ESRP1: variants seen among roughly 807,000 people sequenced by gnomAD.
ESRP1 encodes the protein epithelial splicing regulatory protein 1.
Under a neutral mutation model 81.7 loss-of-function variants are expected in ESRP1, and 33 were observed. The ratio of observed to expected loss-of-function variants is 0.40; its 90% CI spans 0.31 to 0.54. The LOEUF is 0.54. Ranked by LOEUF, ESRP1 falls within the 20% of genes least tolerant of loss-of-function variation. The pLI is 0.41. For missense variants in ESRP1, 672 were observed against 833.1 expected, an observed-to-expected ratio of 0.81 and a Z score of 2.38; for synonymous variants, 320 against 303.3, an observed-to-expected ratio of 1.06 and a Z score of -0.57.
rs560078108 is a variant in ESRP1, at chr8:94,672,647, C to T, written c.1452+976C>T. Among the ~76,000 whole-genome samples, 31 of 152,244 alleles carry T rather than the reference C, an allele frequency of 2.0e-4. No individual in the cohort carries two copies. In the South Asian group the frequency reaches 6.0e-3, roughly 30 times the overall value. On this transcript the variant is annotated intron_variant, in intron 11 of 15. Coordinates refer to ENST00000433389, the MANE Select transcript of ESRP1 (RefSeq NM_017697.4). ...TCCTGAGTTCAAGCAATTCTCCTGC[C>T]TCAGCTTCCCGAGTAGCTGGGATTA...
At chr8:94,662,772 T>C (rs907310068) in intron 6 of ESRP1, among the ~76,000 whole-genome samples, 1 of 152,156 alleles carries the variant, frequency 6.6e-6, no homozygotes. Context: ...CATACCTGGC[T>C]AATTTTTTTG....
intron 11 of ESRP1, among the ~76,000 whole-genome samples, 182 bp from the exon 12 acceptor site, chr8:94,674,126 C>T (rs1819473702): frequency 6.6e-6 from 1 of 152,132 alleles, no homozygotes; most frequent in South Asian, 2.1e-4. Context: ...GTTTTGTTGG[C>T]CATTCTGGTG....
At chr8:94,649,832 C>A (rs1818028761) in intron 4 of ESRP1, among the ~76,000 whole-genome samples, 1 of 152,094 alleles carries the variant, frequency 6.6e-6, no homozygotes, top group African/African-American at 2.4e-5. Flanking sequence ...TTTTTTAGAC[C>A]AGTTTTAGGT....
At chr8:94,673,706 C>T (rs1385441822) in intron 11 of ESRP1, among the ~76,000 whole-genome samples, 1 of 152,110 alleles carries the variant, frequency 6.6e-6, no homozygotes, top group African/African-American at 2.4e-5. Context: ...AGAAGGGCTC[C>T]CAAGCAAGGC....
At chr8:94,656,440 C>T (rs189772216) in intron 4 of ESRP1, among the ~76,000 whole-genome samples, 3,074 of 152,100 alleles carry the variant, frequency 0.02, 102 homozygotes, top group African/African-American at 0.07. Flanking sequence ...CCAGGATGGT[C>T]TCGATCTCCT....
At chr8:94,642,502 G>A (rs1817663062) in intron 2 of ESRP1, among the ~76,000 whole-genome samples, 1 of 152,220 alleles carries the variant, frequency 6.6e-6, no homozygotes, top group Non-Finnish European at 1.5e-5. Flanking sequence ...AGGTGGGCCC[G>A]GCGGGTGTGC....
chr8:94,674,741 G>A (rs1191621084), intron 12 of ESRP1, among the ~76,000 whole-genome samples: 2 of 152,170 alleles, frequency 1.3e-5, no homozygotes, highest in African/African-American at 4.8e-5. Context: ...CTTTTCCAGT[G>A]ATAAGCACTT....
intron 11 of ESRP1, among the ~76,000 whole-genome samples, chr8:94,674,098 C>G (rs1264074081): frequency 6.6e-6 from 1 of 152,180 alleles, no homozygotes; most frequent in Non-Finnish European, 1.5e-5. Context: ...TATGAGCTCT[C>G]AAAACTGTTT....
intron 14 of ESRP1, among the ~76,000 whole-genome samples, chr8:94,695,789 A>G (rs147153506): frequency 0.03 from 4,589 of 152,136 alleles, 219 homozygotes; most frequent in African/African-American, 0.1. Context: ...TAGGCCAGGC[A>G]CAGTGGTTCA....
intron 14 of ESRP1, among the ~76,000 whole-genome samples, chr8:94,693,035 T>C (rs2130717476): frequency 6.6e-6 from 1 of 152,274 alleles, no homozygotes; most frequent in African/African-American, 2.4e-5. Context: ...GCTTTTTCCA[T>C]GCTGTCTTAA....
chr8:94,673,013 C>T (rs984879488), intron 11 of ESRP1, among the ~76,000 whole-genome samples: 5 of 152,166 alleles, frequency 3.3e-5, no homozygotes, highest in Non-Finnish European at 5.9e-5. Context: ...CACTGGAAAG[C>T]CTGTACCATT....
chr8:94,684,308 G>A (rs1809050779), intron 13 of ESRP1, among the ~76,000 whole-genome samples: 1 of 152,152 alleles, frequency 6.6e-6, no homozygotes, highest in African/African-American at 2.4e-5. Flanking sequence ...TAGAAGTGCA[G>A]GCCTGGAGAA....
rs919262519 is a variant in ESRP1 at position 94,707,438 on chromosome 8, G to C, written c.*1549G>C. Reference sequence around the variant, plus strand: ...CTGAGTTTTTGTAGAGTTAACATTTGATAATAAAACTTGCCTGTTTAATCT... The same window carrying C: ...CTGAGTTTTTGTAGAGTTAACATTTCATAATAAAACTTGCCTGTTTAATCT... On this transcript the variant is annotated 3_prime_UTR_variant, in exon 16 of 16. Transcript: ENST00000433389. 6.6e-5 allele frequency: 10 copies of C among 151,314 alleles called. No individual in the cohort carries two copies. The highest frequency in any genetic ancestry group is 4.6e-4 in the Admixed American group (7 of 15,132). 9.4% of individuals were successfully genotyped at this position (151,314 alleles called of 1,614,324 possible).
intron 13 of ESRP1, among the ~76,000 whole-genome samples, chr8:94,686,285 G>A (rs1363616679): frequency 6.6e-6 from 1 of 152,182 alleles, no homozygotes; most frequent in African/African-American, 2.4e-5. Context: ...GAAGTCTTCA[G>A]CAACTTTATA....
chr8:94,655,724 C>G (rs1315836384), intron 4 of ESRP1, among the ~76,000 whole-genome samples: 2 of 151,710 alleles, frequency 1.3e-5, no homozygotes, highest in South Asian at 4.2e-4. Context: ...AACCCTGTCT[C>G]TACAAAAAAT....
At position 94,665,208 on chromosome 8, in the gene ESRP1, T is replaced by C; in HGVS notation, c.931+12T>C. 1 of 1,610,846 alleles carries C rather than the reference T, an allele frequency of 6.2e-7. No individual in the cohort carries two copies. On this transcript the variant is annotated intron_variant, in intron 9 of 15. Transcript: ENST00000433389. ...TAAAATTGCTGGTGGTAAGTGCCTT[T>C]TACATAATGTGGCTTTAGTTAATAA... is the stretch of plus-strand genomic sequence containing the variant.
intron 15 of ESRP1, among the ~76,000 whole-genome samples, chr8:94,704,100 T>C (rs1487435940): frequency 2.0e-5 from 3 of 151,976 alleles, no homozygotes; most frequent in Admixed American, 2.0e-4. Context: ...ATATTAGATT[T>C]GTACCATTTG....
rs1006725287 is a variant in ESRP1, at chr8:94,641,612, A to T, written c.132+162A>T. ...GGGAAGCTAGAGTAAAACCAAACTT[A>T]TTGGCCAACTGCCTTGGAGCCATTT... On this transcript the variant is annotated intron_variant, in intron 1 of 15. Transcript: ENST00000433389. 2.0e-5 allele frequency: 20 copies of T among 991,632 alleles called. No individual in the cohort carries two copies. The Admixed American group carries it at 4.6e-4, about 23-fold the overall frequency. 61.4% of individuals were successfully genotyped at this position (991,632 alleles called of 1,614,324 possible).
rs1255635195 is a variant in ESRP1, at chr8:94,664,756, A to T, written c.704A>T (p.Gln235Leu). 1.2e-6 allele frequency: 2 copies of T among 1,613,906 alleles called. No individual in the cohort carries two copies. The highest frequency in any genetic ancestry group is 3.3e-5 in the Admixed American group (2 of 60,010). The change falls in exon 7 of 16, where the codon CAG becomes CTG. Residue 235 changes from glutamine (Q) to leucine (L), a missense_variant. Gln to Leu is a moderately radical substitution (Grantham distance 113). Coordinates refer to ENST00000433389, the MANE Select transcript of ESRP1 (RefSeq NM_017697.4). ...GTCAGGGCACGAGGTTTACCATGGC[A>T]GTCTTCAGATCAAGATATTGCAAGA... ...TVVRARGLPW[Q>L]SSDQDIARFF...
Sources: gnomAD v4.1 joint callset for allele counts (sites outside exome capture counted in the v4.1 genomes callset) on GRCh38, gnomAD v4.1.1 for gene constraint, MANE v1.5 for transcripts, NCBI Gene and HGNC (gene_info 2026-07-23, HGNC 2026-07-21) for gene names.